The following GLT1D1 variants were observed in gnomAD, a reference collection of about 807,000 sequenced individuals.
GLT1D1 encodes the protein glycosyltransferase 1 domain-containing protein 1.
Under a neutral mutation model 28.7 loss-of-function variants are expected in GLT1D1, and 21 were observed. That is an observed-to-expected ratio of 0.73 (90% CI 0.52 to 1.05). GLT1D1 has a LOEUF of 1.05. GLT1D1 is among the 50% of genes least tolerant of loss of function. GLT1D1 has a pLI of 0.00. For synonymous variants in GLT1D1, 147 were observed against 124.8 expected, an observed-to-expected ratio of 1.18 and a Z score of -1.19; for missense variants, 343 against 330.6, an observed-to-expected ratio of 1.04 and a Z score of -0.29.
intron 6 of GLT1D1, among the ~76,000 whole-genome samples, chr12:128,951,253 A>AT (rs2135502048): frequency 6.6e-6 from 1 of 152,164 alleles, no homozygotes; most frequent in East Asian, 1.9e-4. Flanking sequence ...AAATACAAAA[A>AT]TGAGCCAGGT....
intron 4 of GLT1D1, among the ~76,000 whole-genome samples, chr12:128,908,381 TC>T (rs56331208): frequency 3.5e-3 from 165 of 47,192 alleles, no homozygotes; most frequent in South Asian, 9.1e-3. Flanking sequence ...TTCTTTTCTT[TC>T]TCTTTCTTTC....
intron 4 of GLT1D1, among the ~76,000 whole-genome samples, chr12:128,943,219 T>C (rs575958578): frequency 1.3e-5 from 2 of 152,354 alleles, no homozygotes; most frequent in Non-Finnish European, 1.5e-5. Context: ...GTCTTTTTAT[T>C]GGCACACCTG....
chr12:128,896,114 T>A (rs1394033911), intron 3 of GLT1D1, among the ~76,000 whole-genome samples: 1 of 152,044 alleles, frequency 6.6e-6, no homozygotes, highest in Non-Finnish European at 1.5e-5. Context: ...GTGGTTTAAA[T>A]GAGAAGAGAG....
At chr12:128,963,148 A>G (rs79913863) in intron 7 of GLT1D1, among the ~76,000 whole-genome samples, 4,077 of 152,268 alleles carry the variant, frequency 0.027, 82 homozygotes, top group South Asian at 0.04. Flanking sequence ...GTGCACACCA[A>G]CGACAGTGGG....
At chr12:128,894,649 G>C (rs968318992) in intron 3 of GLT1D1, among the ~76,000 whole-genome samples, 2 of 151,860 alleles carry the variant, frequency 1.3e-5, no homozygotes, top group Non-Finnish European at 2.9e-5. Flanking sequence ...TTCGAGACCA[G>C]CCTGGCCAAC....
intron 1 of GLT1D1, among the ~76,000 whole-genome samples, chr12:128,863,554 A>T (rs1348762257): frequency 3.3e-5 from 5 of 151,794 alleles, no homozygotes. Context: ...GTATTTTTTT[A>T]GTAAATAGAG....
At chr12:128,956,149 A>T (rs1877257011) in intron 6 of GLT1D1, among the ~76,000 whole-genome samples, 1 of 119,240 alleles carries the variant, frequency 8.4e-6, no homozygotes, top group Admixed American at 1.0e-4. Flanking sequence ...ACAGAGCGAG[A>T]CTCCATCTCA....
chr12:128,983,193 C>T lies in GLT1D1; in HGVS notation c.*103C>T, dbSNP rs1405280676. The T allele has an allele frequency of 9.7e-7, 1 of 1,029,252 alleles. No homozygotes were observed. The highest frequency in any genetic ancestry group is 1.5e-5 in the South Asian group (1 of 67,292). The allele number at this position is 1,029,252 out of a possible 1,614,324, so 63.8% of individuals were successfully genotyped here. A position where few individuals can be genotyped will look rare whatever the true frequency, so the allele number is the denominator to read the frequency against. ...TGGGCCCAGTGCAGTTCAAATAAAA[C>T]CAGCCTCAGCGGAATCCTAGAAAAT... On this transcript the variant is annotated 3_prime_UTR_variant, in exon 8 of 8. Transcript: ENST00000281703. The surrounding 1 kb of genome is among the most constrained non-coding windows in gnomAD (Gnocchi z 4.7).
Position 128,982,967 on chromosome 12 carries a change from T to C in GLT1D1, c.678T>C (p.Pro226=), listed in dbSNP as rs1176994640. 6.2e-7 allele frequency: 1 copy of C among 1,614,104 alleles called. No homozygotes were observed. Among genetic ancestry groups the C allele is most frequent in the East Asian group, 2.2e-5 (1 of 44,884 alleles). ...TGGCAAAGAGACTGGTTAGTGATCCTGCATTAGAAAAGGAAATCGTAGTGA... is the reference window on the plus strand; with the variant it reads ...TGGCAAAGAGACTGGTTAGTGATCCCGCATTAGAAAAGGAAATCGTAGTGA... The change falls in exon 8 of 8, where the codon CCT becomes CCC. Residue 226 remains proline, a synonymous_variant. Coordinates refer to ENST00000281703, the MANE Select transcript of GLT1D1 (RefSeq NM_144669.3).
At chr12:128,883,116 G>A (rs1380866694) in intron 2 of GLT1D1, among the ~76,000 whole-genome samples, 2 of 149,764 alleles carry the variant, frequency 1.3e-5, no homozygotes, top group South Asian at 4.2e-4. Context: ...TAGTGGAGAC[G>A]GGTTTCATCA....
chr12:128,900,081 G>A (rs997056893), intron 4 of GLT1D1, among the ~76,000 whole-genome samples: 2 of 152,148 alleles, frequency 1.3e-5, no homozygotes, highest in Admixed American at 6.5e-5. Context: ...ATGAGCTGGT[G>A]GGAACTTAAC....
chr12:128,899,084 T>C, intron 3 of GLT1D1, 152 bp from the exon 4 acceptor site: 1 of 621,204 alleles, frequency 1.6e-6, no homozygotes, highest in Non-Finnish European at 2.8e-6. Flanking sequence ...AGATTAAACC[T>C]AATGGCCAAT....
chr12:128,853,622 G>C lies in GLT1D1; in HGVS notation c.41G>C (p.Gly14Ala). 8.5e-7 allele frequency: 1 copy of C among 1,181,412 alleles called. No homozygotes were observed. Among genetic ancestry groups the C allele is most frequent in the Non-Finnish European group, 1.1e-6 (1 of 943,786 alleles). 73.2% of individuals were successfully genotyped at this position (1,181,412 alleles called of 1,614,324 possible). The change falls in exon 1 of 8, where the codon GGC becomes GCC. Residue 14 changes from glycine (G) to alanine (A), a missense_variant. Physicochemically the swap from Gly to Ala is moderately conservative, Grantham distance 60 (BLOSUM62 0). Coordinates refer to ENST00000281703, the MANE Select transcript of GLT1D1 (RefSeq NM_144669.3). ...CTGGCGGTGCTGCGGCCACACACCGGCAACGCGGTCACGGCCCAGCGCGTT... is the reference window on the plus strand; with the variant it reads ...CTGGCGGTGCTGCGGCCACACACCGCCAACGCGGTCACGGCCCAGCGCGTT...
rs1228657723 is a variant in GLT1D1 at position 128,934,198 on chromosome 12, C to CTTT, written c.376-11106_376-11104dup. Among the ~76,000 whole-genome samples, 84 of 73,414 alleles carry CTTT rather than the reference C, an allele frequency of 1.1e-3. 4 individuals are homozygous for CTTT. Among genetic ancestry groups the CTTT allele is most frequent in the South Asian group, 8.2e-3 (17 of 2,080 alleles). 48.2% of individuals were successfully genotyped at this position (73,414 alleles called of 152,430 possible). The stretch of plus-strand genomic sequence containing the variant: ...CTTACTGTGTCTTCAAAGAGACAGT[C>CTTT]TTTTTTTTTTTTTTTTTTTTTTTTA... On this transcript the variant is annotated intron_variant, in intron 4 of 7. Transcript: ENST00000281703.
intron 5 of GLT1D1, among the ~76,000 whole-genome samples, chr12:128,946,451 A>C (rs1876091600): frequency 6.6e-6 from 1 of 151,702 alleles, no homozygotes; most frequent in South Asian, 2.1e-4. Flanking sequence ...GGTTCACGCC[A>C]TTCTCCTGCC....
At chr12:128,867,419 G>GAAAAAAAAAAAAAAAAAAGAAAAAA (rs1318656397) in intron 1 of GLT1D1, among the ~76,000 whole-genome samples, 1 of 111,828 alleles carries the variant, frequency 8.9e-6, no homozygotes, top group Admixed American at 9.8e-5. Flanking sequence ...AAAAAAAACA[G>GAAAAAAAAAAAAAAAAAAGAAAAAA]AAAAAAAAAA....
At chr12:128,874,110 C>A (rs28455603) in intron 1 of GLT1D1, among the ~76,000 whole-genome samples, 1 of 54,716 alleles carries the variant, frequency 1.8e-5, no homozygotes, top group African/African-American at 8.7e-5. Context: ...CTCTCTCTCT[C>A]TCTCTCTCTC....
At chr12:128,957,695 C>T (rs1357333445) in intron 7 of GLT1D1, 52 bp downstream of exon 11, 1 of 1,176,274 alleles carries the variant, frequency 8.5e-7, no homozygotes. Flanking sequence ...AATAGTTTTC[C>T]TCTATGTTTA....
Position 128,914,833 on chromosome 12 carries a change from T to C in GLT1D1, c.375+15546T>C, listed in dbSNP as rs968289656. 6.0e-6 allele frequency: 5 copies of C among 835,154 alleles called. No individual in the cohort carries two copies. In the Admixed American group the frequency reaches 1.1e-4, roughly 19 times the overall value. 51.7% of individuals were successfully genotyped at this position (835,154 alleles called of 1,614,324 possible). On this transcript the variant is annotated intron_variant, in intron 4 of 7. Coordinates refer to ENST00000281703, the MANE Select transcript of GLT1D1 (RefSeq NM_144669.3). ...AGACTCTGTCTCAAAATAATAAGAA[T>C]AATAGTAATAATAATAATAAGCCTC...
Sources: gnomAD v4.1 joint callset for allele counts (sites outside exome capture counted in the v4.1 genomes callset) on GRCh38, gnomAD v4.1.1 for gene constraint, Gnocchi (gnomAD v3.1) non-coding constraint, MANE v1.5 for transcripts, NCBI Gene and HGNC (gene_info 2026-07-23, HGNC 2026-07-21) for gene names.